Variants in SVIL observed in about 807,000 individuals in gnomAD.
The protein encoded by SVIL is supervillin.
Under a neutral mutation model 240.4 loss-of-function variants are expected in SVIL, and 101 were observed. The ratio of observed to expected loss-of-function variants is 0.42; its 90% CI spans 0.36 to 0.50. The LOEUF is 0.50. Ranked by LOEUF, SVIL falls within the 20% of genes least tolerant of loss-of-function variation. The pLI is 0.01. For missense variants in SVIL, 2,512 were observed against 2,818.7 expected (o/e 0.89, Z 2.46); for synonymous variants, 999 against 1,100.0 (o/e 0.91, Z 1.82).
intron 16 of SVIL, 62 bp downstream of exon 16, chr10:29,522,348 C>G: frequency 4.5e-6 from 7 of 1,553,768 alleles, no homozygotes; most frequent in Non-Finnish European, 6.2e-6. Flanking sequence ...AGATTGTTTT[C>G]TAAAAGCAAG....
chr10:29,599,680 G>T (rs1956740129), intron 1 of SVIL, among the ~76,000 whole-genome samples: 2 of 152,134 alleles, frequency 1.3e-5, no homozygotes, highest in South Asian at 4.1e-4. Flanking sequence ...GCCTCCCCAA[G>T]TGCTGGGATT....
At chr10:29,603,541 C>A (rs1357896191) in intron 1 of SVIL, among the ~76,000 whole-genome samples, 1 of 150,194 alleles carries the variant, frequency 6.7e-6, no homozygotes, top group African/African-American at 2.4e-5. Flanking sequence ...TAATTTATGG[C>A]CAGACAGTTC....
intron 2 of SVIL, among the ~76,000 whole-genome samples, chr10:29,679,258 G>A (rs572845899): frequency 6.6e-6 from 1 of 152,238 alleles, no homozygotes; most frequent in Admixed American, 6.5e-5. Flanking sequence ...CTGCTTGTAG[G>A]CAACTAAGGG....
intron 5 of SVIL, among the ~76,000 whole-genome samples, chr10:29,552,093 G>C (rs1470672247): frequency 6.8e-6 from 1 of 147,402 alleles, no homozygotes; most frequent in Non-Finnish European, 1.5e-5. Context: ...ACTCTAACCT[G>C]AGCAAGAGAG....
chr10:29,702,644 A>T (rs1393330662), intron 1 of SVIL, among the ~76,000 whole-genome samples: 1 of 152,242 alleles, frequency 6.6e-6, no homozygotes, highest in Admixed American at 6.5e-5. Flanking sequence ...AACAGCCATC[A>T]GTTCAAAACT....
At chr10:29,693,356 GA>G (rs1461233353) in intron 1 of SVIL, among the ~76,000 whole-genome samples, 2 of 151,870 alleles carry the variant, frequency 1.3e-5, no homozygotes, top group Non-Finnish European at 1.5e-5. Flanking sequence ...GAAGAGGAAG[GA>G]AAAAAGAAAA....
At chr10:29,530,511 C>G in intron 11 of SVIL, 96 bp downstream of exon 11, 1 of 1,412,144 alleles carries the variant, frequency 7.1e-7, no homozygotes, top group Non-Finnish European at 1.0e-6. Flanking sequence ...GTCTCAAACT[C>G]CTGGCCTCAA....
At chr10:29,532,268 C>T in intron 8 of SVIL, 96 bp from the exon 9 acceptor site, 1 of 1,415,564 alleles carries the variant, frequency 7.1e-7, no homozygotes, top group East Asian at 2.3e-5. Flanking sequence ...AGTCAAGGGA[C>T]AGACACCACC....
chr10:29,693,852 G>T (rs902039378), intron 1 of SVIL, among the ~76,000 whole-genome samples: 4 of 152,144 alleles, frequency 2.6e-5, no homozygotes, highest in African/African-American at 9.7e-5. Flanking sequence ...TTCTTCATTA[G>T]ATCATTATCC....
At chr10:29,709,500 G>A (rs1340806032) in intron 1 of SVIL, among the ~76,000 whole-genome samples, 4 of 152,204 alleles carry the variant, frequency 2.6e-5, no homozygotes, top group African/African-American at 7.2e-5. Flanking sequence ...TACGGGAGCT[G>A]GACGTGGTCA....
chr10:29,584,913 A>G (rs1804370809), intron 1 of SVIL, among the ~76,000 whole-genome samples: 1 of 152,154 alleles, frequency 6.6e-6, no homozygotes, highest in African/African-American at 2.4e-5. Context: ...AATACATTAA[A>G]GAAATAGACA....
chr10:29,616,689 T>G (rs1188782036), intron 1 of SVIL, among the ~76,000 whole-genome samples: 1 of 152,178 alleles, frequency 6.6e-6, no homozygotes, highest in Non-Finnish European at 1.5e-5. Flanking sequence ...TTCAGGTGTC[T>G]CCCACTCCTG....
At chr10:29,610,373 A>T (rs1957198163) in intron 1 of SVIL, among the ~76,000 whole-genome samples, 1 of 151,020 alleles carries the variant, frequency 6.6e-6, no homozygotes, top group Admixed American at 6.6e-5. Context: ...AAGGTTTGCC[A>T]TTGTCCATAA....
chr10:29,505,930 G>A (rs1315782086), intron 17 of SVIL, among the ~76,000 whole-genome samples: 1 of 152,162 alleles, frequency 6.6e-6, no homozygotes. Context: ...AGATGCTCAA[G>A]TCCCTGATGT....
At chr10:29,725,576 C>G (rs1480566259) in intron 1 of SVIL, among the ~76,000 whole-genome samples, 1 of 152,092 alleles carries the variant, frequency 6.6e-6, no homozygotes, top group Non-Finnish European at 1.5e-5. Flanking sequence ...GAGGAAGTGA[C>G]TCTCCCCTTC....
rs111607162 is a variant in SVIL at position 29,525,017 on chromosome 10, G to A, written c.2343-302C>T. ...TATACCTTATCTTAGACAGAGAGGC[G>A]GCATTGTTAGTATCGTAATAAGTAG... On this transcript the variant is annotated intron_variant, in intron 13 of 37. Coordinates refer to ENST00000355867, the MANE Select transcript of SVIL (RefSeq NM_021738.3). Among the ~76,000 whole-genome samples the A allele has an allele frequency of 8.5e-5, 13 of 152,160 alleles. 1 individual carries two copies. Among genetic ancestry groups the A allele is most frequent in the African/African-American group, 2.6e-4 (11 of 41,516 alleles).
intron 6 of SVIL, among the ~76,000 whole-genome samples, chr10:29,541,226 A>G (rs1265401582): frequency 6.6e-6 from 1 of 152,230 alleles, no homozygotes; most frequent in Non-Finnish European, 1.5e-5. Context: ...AGAAATTAAC[A>G]GTGGGAGATT....
At chr10:29,533,800 C>T (rs1422352361) in intron 7 of SVIL, among the ~76,000 whole-genome samples, 1 of 152,178 alleles carries the variant, frequency 6.6e-6, no homozygotes, top group Non-Finnish European at 1.5e-5. Flanking sequence ...TGCATTAGGG[C>T]ATAATGAGCC....
At chr10:29,459,449 G>GT (rs1221867728) in intron 36 of SVIL, among the ~76,000 whole-genome samples, 1 of 152,120 alleles carries the variant, frequency 6.6e-6, no homozygotes, top group African/African-American at 2.4e-5. Flanking sequence ...TAGATTTGAA[G>GT]TCTAAACACC....
Sources: gnomAD v4.1 joint callset for allele counts (sites outside exome capture counted in the v4.1 genomes callset) on GRCh38, gnomAD v4.1.1 for gene constraint, MANE v1.5 for transcripts, NCBI Gene and HGNC (gene_info 2026-07-23, HGNC 2026-07-21) for gene names.